CCNT2: variants seen among roughly 807,000 people sequenced by gnomAD.
CCNT2 encodes the protein cyclin-T2.
Under a neutral mutation model 70.0 loss-of-function variants are expected in CCNT2, and 18 were observed. The observed-to-expected ratio is 0.26, with a 90% CI of 0.18 to 0.38. CCNT2 has a LOEUF of 0.38. Among genes scored for constraint, CCNT2 ranks in the 10% least tolerant of loss-of-function variants. The pLI is 1.00. For synonymous variants in CCNT2, 334 were observed against 313.3 expected (o/e 1.07, Z -0.70); for missense variants, 734 against 890.2 (o/e 0.82, Z 2.23).
chr2:134,932,475 A>G (rs116224685), intron 2 of CCNT2, among the ~76,000 whole-genome samples: 1,701 of 152,302 alleles, frequency 0.011, 29 homozygotes, highest in African/African-American at 0.039. Flanking sequence ...AATATTGAAT[A>G]CTGATATTTT....
chr2:134,944,642 C>A, intron 5 of CCNT2: 6 of 982,394 alleles, frequency 6.1e-6, no homozygotes, highest in Non-Finnish European at 7.3e-6. Flanking sequence ...GTGACTGATT[C>A]TTTGAGTACA....
chr2:134,949,605 A>T (rs946509161), intron 7 of CCNT2, among the ~76,000 whole-genome samples: 1 of 152,132 alleles, frequency 6.6e-6, no homozygotes, highest in Non-Finnish European at 1.5e-5. Context: ...TTGCTGCATG[A>T]TTATAATGTT....
At chr2:134,952,351 A>G (rs2105088090) in intron 7 of CCNT2, among the ~76,000 whole-genome samples, 1 of 148,888 alleles carries the variant, frequency 6.7e-6, no homozygotes, top group East Asian at 2.0e-4. Context: ...GTGTTTGCCT[A>G]ATGAAGATTT....
rs1430457664 is a variant in CCNT2 at position 134,942,630 on chromosome 2, A to G, written c.449A>G (p.Glu150Gly). ...LQTLGFEITI[E>G]HPHTDVVKCT... The stretch of plus-strand genomic sequence containing the variant: ...ATTTCAGGTTTTGAGATCACCATTG[A>G]ACACCCACACACAGATGTGGTGAAA... The change falls in exon 5 of 9, where the codon GAA (glutamate) becomes GGA (glycine). Residue 150 changes from glutamate (E) to glycine (G), a missense_variant. This residue lies in a region of CCNT2 where 161 missense variants were observed against 303.8 expected (regional missense o/e 0.53). Transcript: ENST00000264157. 9.3e-6 allele frequency: 15 copies of G among 1,610,950 alleles called. No homozygotes were observed. Among genetic ancestry groups the G allele is most frequent in the Non-Finnish European group, 1.1e-5 (13 of 1,178,942 alleles).
chr2:134,934,695 A>G (rs1681023524), intron 2 of CCNT2, among the ~76,000 whole-genome samples: 1 of 152,242 alleles, frequency 6.6e-6, no homozygotes, highest in African/African-American at 2.4e-5. Flanking sequence ...GGATTTCACC[A>G]GGAACTTTGG....
intron 6 of CCNT2, 114 bp downstream of exon 6, chr2:134,946,260 A>G: frequency 4.5e-6 from 6 of 1,328,668 alleles, no homozygotes; most frequent in Non-Finnish European, 6.3e-6. Flanking sequence ...TGGACCATCT[A>G]CTGTGGTGGT....
intron 2 of CCNT2, among the ~76,000 whole-genome samples, chr2:134,930,352 T>C (rs1490057743): frequency 6.6e-6 from 1 of 152,264 alleles, no homozygotes; most frequent in African/African-American, 2.4e-5. Flanking sequence ...CTATTCGTCA[T>C]GTGGCTGTAC....
intron 5 of CCNT2, 92 bp from the exon 6 acceptor site, chr2:134,946,008 CA>C: frequency 6.2e-7 from 1 of 1,606,012 alleles, no homozygotes; most frequent in South Asian, 1.1e-5. Flanking sequence ...TTTTTGTGTA[CA>C]AATCTTTGAA....
At chr2:134,933,176 G>C (rs1311928956) in intron 2 of CCNT2, among the ~76,000 whole-genome samples, 2 of 152,190 alleles carry the variant, frequency 1.3e-5, no homozygotes, top group Non-Finnish European at 2.9e-5. Context: ...CTTTGCTTCT[G>C]TTGGGGTTTT....
At chr2:134,941,506 G>A (rs1026239614) in intron 4 of CCNT2, among the ~76,000 whole-genome samples, 2 of 152,108 alleles carry the variant, frequency 1.3e-5, no homozygotes, top group Non-Finnish European at 2.9e-5. Flanking sequence ...TTGGATTTTC[G>A]ACTGCATGGG....
At chr2:134,926,784 T>C (rs1680332176) in intron 2 of CCNT2, among the ~76,000 whole-genome samples, 1 of 152,240 alleles carries the variant, frequency 6.6e-6, no homozygotes, top group Non-Finnish European at 1.5e-5. Context: ...TGGCTTGTCA[T>C]GTGATTTGGT....
chr2:134,947,750 C>T lies in CCNT2; in HGVS notation c.554C>T (p.Thr185Ile), dbSNP rs1367658048. 1 of 1,496,340 alleles carries T rather than the reference C, an allele frequency of 6.7e-7. No homozygotes were observed. Among genetic ancestry groups the T allele is most frequent in the South Asian group, 1.4e-5 (1 of 71,992 alleles). The allele number at this position is 1,496,340 out of a possible 1,614,324, so 92.7% of individuals were successfully genotyped here. A position where few individuals can be genotyped will look rare whatever the true frequency, so the allele number is the denominator to read the frequency against. The change falls in exon 7 of 9, where the codon ACC becomes ATC. Residue 185 changes from threonine (T) to isoleucine (I), a missense_variant. Around this residue, in one of 3 missense-constraint regions of CCNT2, gnomAD observed 161 missense variants for 303.8 expected, o/e 0.53. Coordinates refer to ENST00000264157, the MANE Select transcript of CCNT2 (RefSeq NM_058241.3). Reference sequence around the variant, plus strand: ...CTCTGCAACAGTCTGCATCTTACAACCTTCTGTCTTCAGTACAAACCAACA... The same window carrying T: ...CTCTGCAACAGTCTGCATCTTACAATCTTCTGTCTTCAGTACAAACCAACA... ...FMATNSLHLT[T>I]FCLQYKPTVI...
chr2:134,920,691 T>C (rs1679836071), intron 2 of CCNT2, among the ~76,000 whole-genome samples: 3 of 152,094 alleles, frequency 2.0e-5, no homozygotes, highest in Admixed American at 2.0e-4. Context: ...TAATTCTGTC[T>C]TTATTTGTTA....
chr2:134,941,708 AATC>A (rs1251256705), intron 4 of CCNT2, among the ~76,000 whole-genome samples: 1 of 152,238 alleles, frequency 6.6e-6, no homozygotes, highest in Non-Finnish European at 1.5e-5. Flanking sequence ...AAAAATCATA[AATC>A]ATTATAAAAT....
intron 7 of CCNT2, among the ~76,000 whole-genome samples, chr2:134,950,641 A>G (rs182899979): frequency 1.1e-3 from 160 of 151,504 alleles, no homozygotes; most frequent in Middle Eastern, 3.4e-3. Flanking sequence ...GTCTGGGGGG[A>G]AAAAAAAAGA....
chr2:134,918,858 G>C lies in CCNT2; in HGVS notation c.4G>C (p.Ala2Pro), dbSNP rs1559083134. 1 of 1,612,944 alleles carries C rather than the reference G, an allele frequency of 6.2e-7. No homozygotes were observed. Among genetic ancestry groups the C allele is most frequent in the Non-Finnish European group, 8.5e-7 (1 of 1,179,358 alleles). ...AGCGGGCGGAGGAGGAAGTGTCATG[G>C]CGTCGGGCCGTGGAGCTTCTTCTCG... is the stretch of plus-strand genomic sequence containing the variant. M[A>P]SGRGASSRWF... Residue 2 changes from alanine to proline, a missense_variant, in exon 1 of 9, where the codon GCG (alanine) becomes CCG (proline). Ala to Pro is a conservative substitution (Grantham distance 27, BLOSUM62 -1). Around this residue, in one of 3 missense-constraint regions of CCNT2, gnomAD observed 41 missense variants for 29.5 expected, o/e 1.39. Coordinates refer to ENST00000264157, the MANE Select transcript of CCNT2 (RefSeq NM_058241.3).
chr2:134,952,053 C>A (rs924094655), intron 7 of CCNT2, among the ~76,000 whole-genome samples: 1 of 152,052 alleles, frequency 6.6e-6, no homozygotes, highest in African/African-American at 2.4e-5. Context: ...CCATTTTGAG[C>A]AAGAATACCA....
At chr2:134,923,019 G>A (rs1253638111) in intron 2 of CCNT2, among the ~76,000 whole-genome samples, 1 of 152,186 alleles carries the variant, frequency 6.6e-6, no homozygotes, top group Non-Finnish European at 1.5e-5. Flanking sequence ...GGTAGCTAAT[G>A]CCTGTAATCC....
intron 7 of CCNT2, among the ~76,000 whole-genome samples, chr2:134,951,325 T>A (rs1282640996): frequency 6.6e-6 from 1 of 152,162 alleles, no homozygotes. Context: ...GCATTATTAA[T>A]ATTATATAAT....
Sources: allele counts gnomAD v4.1 joint callset (sites outside exome capture counted in the v4.1 genomes callset), GRCh38; gene constraint gnomAD v4.1.1; regional missense constraint gnomAD v4.1.1; transcripts MANE v1.5; gene names NCBI Gene and HGNC (gene_info 2026-07-23, HGNC 2026-07-21).